Variants in ACER2 observed in about 807,000 individuals in gnomAD.
The protein encoded by ACER2 is alkCDase 2.
A neutral mutation model predicts 34.7 loss-of-function variants in ACER2; 26 were observed. That is an observed-to-expected ratio of 0.75 (90% CI 0.55 to 1.04). ACER2 has a LOEUF of 1.04. Ranked by LOEUF, ACER2 falls within the 50% of genes least tolerant of loss-of-function variation. The probability of loss-of-function intolerance (pLI) is 0.00; values close to 1 mark genes in which losing one functional copy is unlikely to be tolerated. For synonymous variants in ACER2, 138 were observed against 132.1 expected (o/e 1.04, Z -0.31); for missense variants, 352 against 340.8 (o/e 1.03, Z -0.26).
rs1469359084 is a variant in ACER2 at position 19,409,020 on chromosome 9, C to T, written c.-65C>T. On this transcript the variant is annotated 5_prime_UTR_variant, in exon 1 of 6. Coordinates refer to ENST00000340967, the MANE Select transcript of ACER2 (RefSeq NM_001010887.3). ...CGCCGCTGGCTGTCGCCGCGTTTTG[C>T]CTCCGCAGCAGCTCTGGGCTCTTCT... The T allele has an allele frequency of 5.8e-6, 8 of 1,378,608 alleles. No homozygotes were observed. Among genetic ancestry groups the T allele is most frequent in the African/African-American group, 1.5e-5 (1 of 66,996 alleles). 85.4% of individuals were successfully genotyped at this position (1,378,608 alleles called of 1,614,324 possible). A position where few individuals can be genotyped will look rare whatever the true frequency, so the allele number is the denominator to read the frequency against.
At chr9:19,441,257 G>C (rs969829141) in intron 4 of ACER2, among the ~76,000 whole-genome samples, 2 of 152,030 alleles carry the variant, frequency 1.3e-5, no homozygotes, top group Non-Finnish European at 2.9e-5. Flanking sequence ...CACCATGTTA[G>C]CCAGGATGGT....
intron 4 of ACER2, among the ~76,000 whole-genome samples, chr9:19,437,381 C>A (rs569503346): frequency 6.6e-6 from 1 of 152,336 alleles, no homozygotes; most frequent in East Asian, 1.9e-4. Context: ...TCCCTCATCT[C>A]CTGCCACCTC....
rs927169669 is a variant in ACER2 at position 19,435,097 on chromosome 9, A to G, written c.503+13A>G. 6.2e-7 allele frequency: 1 copy of G among 1,613,872 alleles called. No homozygotes were observed. Among genetic ancestry groups the G allele is most frequent in the Non-Finnish European group, 8.5e-7 (1 of 1,179,930 alleles). On this transcript the variant is annotated intron_variant, in intron 4 of 5. Transcript: ENST00000340967. ...CAGAGCTAAAGAGGTAGGTGCCATC[A>G]TTCCTGCCTACCCTTAGCTGTCCCC... is the stretch of plus-strand genomic sequence containing the variant.
In ACER2 at chr9:19,450,493, TTTGCC is replaced by T; in HGVS notation, c.687_691del (p.Phe229LeufsTer3). 6.2e-7 allele frequency: 1 copy of T among 1,612,142 alleles called. No individual in the cohort carries two copies. The highest frequency in any genetic ancestry group is 8.5e-7 in the Non-Finnish European group (1 of 1,178,404). On this transcript the variant is annotated frameshift_variant, in exon 6 of 6. Transcript: ENST00000340967. LOFTEE classifies it high-confidence loss of function. Reference sequence around the variant, plus strand: ...TGCTGCCTACCTGGGCTGTGTATGCTTTGCCTACTTTGATGCTGCCTCAGAGATTC... The same window carrying T: ...TGCTGCCTACCTGGGCTGTGTATGCTTACTTTGATGCTGCCTCAGAGATTC...
chr9:19,431,069 C>T (rs553519559), intron 3 of ACER2, among the ~76,000 whole-genome samples: 1 of 152,008 alleles, frequency 6.6e-6, no homozygotes, highest in South Asian at 2.1e-4. Context: ...CTCTGTGGAG[C>T]CTTTGGTGAT....
chr9:19,411,748 G>A (rs142821970), intron 1 of ACER2, among the ~76,000 whole-genome samples: 3 of 152,298 alleles, frequency 2.0e-5, no homozygotes, highest in Non-Finnish European at 4.4e-5. Context: ...TGGAGGAATT[G>A]ACAATGTTAA....
chr9:19,417,463 T>C (rs549133629), intron 1 of ACER2, among the ~76,000 whole-genome samples: 1 of 152,306 alleles, frequency 6.6e-6, no homozygotes, highest in South Asian at 2.1e-4. Flanking sequence ...GCTACCTGAC[T>C]TCATACTACA....
intron 2 of ACER2, 160 bp from the exon 3 acceptor site, chr9:19,424,540 T>C (rs995753015): frequency 1.0e-6 from 1 of 985,348 alleles, no homozygotes; most frequent in African/African-American, 1.7e-5. Context: ...GAGGCATGCA[T>C]GCTTGGGTGG....
intron 1 of ACER2, among the ~76,000 whole-genome samples, chr9:19,419,828 T>C (rs988843750): frequency 6.6e-6 from 1 of 152,182 alleles, no homozygotes; most frequent in Non-Finnish European, 1.5e-5. Flanking sequence ...TTCTCCATAA[T>C]GATACAGCCC....
chr9:19,451,244 A>G lies in ACER2; in HGVS notation c.*608A>G, dbSNP rs982458979. 1.3e-5 allele frequency: 2 copies of G among 152,284 alleles called. No homozygotes were observed. Among genetic ancestry groups the G allele is most frequent in the African/African-American group, 4.8e-5 (2 of 41,414 alleles). The allele number at this position is 152,284 out of a possible 1,614,324, so 9.4% of individuals were successfully genotyped here. A position where few individuals can be genotyped will look rare whatever the true frequency, so the allele number is the denominator to read the frequency against. ...CCATTCCCAGGCGCCCTTGGAGTGGACTCTACTGATGACAGACAGACCCTC... is the reference window on the plus strand; with the variant it reads ...CCATTCCCAGGCGCCCTTGGAGTGGGCTCTACTGATGACAGACAGACCCTC... On this transcript the variant is annotated 3_prime_UTR_variant, in exon 6 of 6. Transcript: ENST00000340967.
At chr9:19,433,149 CTTTTTTTTTTTTT>C (rs57915019) in intron 3 of ACER2, among the ~76,000 whole-genome samples, 1 of 61,308 alleles carries the variant, frequency 1.6e-5, no homozygotes, top group African/African-American at 6.0e-5. Context: ...GTGTGAGTGG[CTTTTTTTTTTTTT>C]TTTTTTTTTT....
intron 4 of ACER2, among the ~76,000 whole-genome samples, chr9:19,443,983 A>G (rs1420246839): frequency 6.6e-6 from 1 of 152,006 alleles, no homozygotes; most frequent in East Asian, 1.9e-4. Flanking sequence ...TGTTACACAG[A>G]TAATAAATTC....
intron 3 of ACER2, among the ~76,000 whole-genome samples, chr9:19,432,673 T>C (rs994477214): frequency 6.7e-6 from 1 of 148,176 alleles, no homozygotes; most frequent in African/African-American, 2.4e-5. Context: ...CATATAGTTA[T>C]GCTATATATA....
rs572296823 is a variant in ACER2 at position 19,437,812 on chromosome 9, AT to A, written c.503+2729del. On this transcript the variant is annotated intron_variant, in intron 4 of 5. Coordinates refer to ENST00000340967, the MANE Select transcript of ACER2 (RefSeq NM_001010887.3). ...ACGAGGCCTTTCTTAACCCCTTCTT[AT>A]CCCCTCAACCAGATGTAATTGCCCT... 8.7e-4 allele frequency among the ~76,000 whole-genome samples: 133 copies of A among 152,204 alleles called. 2 individuals are homozygous for A. In the South Asian group the frequency reaches 0.014, roughly 16 times the overall value.
intron 1 of ACER2, among the ~76,000 whole-genome samples, chr9:19,411,936 A>T (rs892637755): frequency 6.6e-6 from 1 of 152,186 alleles, no homozygotes; most frequent in Non-Finnish European, 1.5e-5. Context: ...TATCCATTTG[A>T]TAAAGATGGA....
At chr9:19,446,586 A>G in intron 5 of ACER2, 168 bp downstream of exon 5, 1 of 985,436 alleles carries the variant, frequency 1.0e-6, no homozygotes, top group Non-Finnish European at 1.2e-6. Context: ...CACACTTTGT[A>G]AAAAGCTGAA....
At chr9:19,411,019 A>C (rs947186897) in intron 1 of ACER2, among the ~76,000 whole-genome samples, 9 of 152,292 alleles carry the variant, frequency 5.9e-5, no homozygotes, top group African/African-American at 2.2e-4. Context: ...GAGAGGGTCA[A>C]CCTTGGTTAT....
intron 1 of ACER2, among the ~76,000 whole-genome samples, chr9:19,418,784 G>A (rs1830316430): frequency 6.6e-6 from 1 of 152,098 alleles, no homozygotes; most frequent in South Asian, 2.1e-4. Flanking sequence ...CATGGCACGT[G>A]TATAGCTATG....
intron 4 of ACER2, among the ~76,000 whole-genome samples, chr9:19,443,328 GGC>G (rs1831221538): frequency 6.6e-6 from 1 of 151,982 alleles, no homozygotes; most frequent in African/African-American, 2.4e-5. Context: ...CACCACGCCC[GGC>G]ACATTTATTG....
Sources: gnomAD v4.1 joint callset for allele counts (sites outside exome capture counted in the v4.1 genomes callset) on GRCh38, gnomAD v4.1.1 for gene constraint, MANE v1.5 for transcripts, NCBI Gene and HGNC (gene_info 2026-07-23, HGNC 2026-07-21) for gene names.